The following TAFA1 variants were observed in gnomAD, a reference collection of about 807,000 sequenced individuals.
TAFA1 encodes chemokine-like protein TAFA-1.
In TAFA1, 4 loss-of-function variants were observed where a neutral mutation model predicts 18.5. The ratio of observed to expected loss-of-function variants is 0.22; its 90% CI spans 0.11 to 0.49. TAFA1 has a LOEUF of 0.49. Among genes scored for constraint, TAFA1 ranks in the 20% least tolerant of loss-of-function variants. The pLI is 0.98. For synonymous variants in TAFA1, 56 were observed against 55.2 expected (o/e 1.01, Z -0.06); for missense variants, 147 against 169.0 (o/e 0.87, Z 0.72).
chr3:68,275,624 G>C (rs2067781226), intron 2 of TAFA1, among the ~76,000 whole-genome samples: 1 of 151,976 alleles, frequency 6.6e-6, no homozygotes. Context: ...CAAGTTTAGA[G>C]GAGATAATGA....
chr3:68,542,049 C>A (rs533015995), intron 4 of TAFA1, among the ~76,000 whole-genome samples: 10 of 152,182 alleles, frequency 6.6e-5, no homozygotes, highest in African/African-American at 2.2e-4. Context: ...AACAATGGAT[C>A]TGAGTGATAT....
intron 2 of TAFA1, among the ~76,000 whole-genome samples, chr3:68,119,053 T>G (rs1322437127): frequency 1.4e-5 from 2 of 147,052 alleles, no homozygotes; most frequent in African/African-American, 5.1e-5. Context: ...TTTTTTTGGG[T>G]TTTTTTTTTG....
At chr3:68,369,445 C>A (rs2069636608) in intron 2 of TAFA1, among the ~76,000 whole-genome samples, 1 of 152,042 alleles carries the variant, frequency 6.6e-6, no homozygotes, top group East Asian at 1.9e-4. Context: ...AGAAATCAGG[C>A]CTACAATAAG....
At chr3:68,209,378 C>A (rs1424022383) in intron 2 of TAFA1, among the ~76,000 whole-genome samples, 3 of 151,960 alleles carry the variant, frequency 2.0e-5, no homozygotes, top group Non-Finnish European at 4.4e-5. Context: ...ACCTTCCATG[C>A]AGAATATTAC....
intron 3 of TAFA1, among the ~76,000 whole-genome samples, chr3:68,538,496 A>G (rs1170427610): frequency 6.6e-6 from 1 of 152,204 alleles, no homozygotes; most frequent in African/African-American, 2.4e-5. Context: ...GGTTTCTCTT[A>G]CTGTCATAAT....
Position 68,386,149 on chromosome 3 carries a change from C to T in TAFA1, c.119-31131C>T, listed in dbSNP as rs533696933. ...CATTGTGCCAAATTTATTCTCCACA[C>T]CATGAATAATATTTTTTCAGTAACA... is the stretch of plus-strand genomic sequence containing the variant. On this transcript the variant is annotated intron_variant, in intron 2 of 4. Transcript: ENST00000478136. 2.0e-5 allele frequency among the ~76,000 whole-genome samples: 3 copies of T among 152,172 alleles called. No homozygotes were observed. In the East Asian group the frequency reaches 5.8e-4, roughly 29 times the overall value.
rs1575824847 is a variant in TAFA1 at position 68,387,662 on chromosome 3, T to G, written c.119-29618T>G. ...CAGATTTTCTGTTTCCTTTAGTGAG[T>G]CGTTTTTCTGCTTTCACTCAGGACA... On this transcript the variant is annotated intron_variant, in intron 2 of 4. Transcript: ENST00000478136. 3.9e-5 allele frequency among the ~76,000 whole-genome samples: 6 copies of G among 152,182 alleles called. No individual in the cohort carries two copies. In the South Asian group the frequency reaches 1.2e-3, roughly 32 times the overall value.
chr3:68,241,141 A>G (rs999998802), intron 2 of TAFA1, among the ~76,000 whole-genome samples: 40 of 152,194 alleles, frequency 2.6e-4, no homozygotes, highest in African/African-American at 8.4e-4. Flanking sequence ...ATCTGCGGTT[A>G]TAAGAAAAAA....
At chr3:68,301,245 C>T (rs1350437278) in intron 2 of TAFA1, among the ~76,000 whole-genome samples, 1 of 152,040 alleles carries the variant, frequency 6.6e-6, no homozygotes, top group African/African-American at 2.4e-5. Context: ...GCAAAATTAC[C>T]ATGTATTATA....
At chr3:68,535,981 C>G (rs368000120) in intron 3 of TAFA1, among the ~76,000 whole-genome samples, 2 of 152,106 alleles carry the variant, frequency 1.3e-5, no homozygotes, top group East Asian at 3.9e-4. Context: ...CTATTTGTGG[C>G]AATTGCAAGC....
intron 2 of TAFA1, among the ~76,000 whole-genome samples, chr3:68,413,901 A>G (rs1205464418): frequency 1.3e-5 from 2 of 152,058 alleles, no homozygotes; most frequent in Non-Finnish European, 2.9e-5. Context: ...ATCTGTTGGG[A>G]GCATGTCTCA....
intron 2 of TAFA1, among the ~76,000 whole-genome samples, chr3:68,373,231 A>G (rs191824623): frequency 2.6e-4 from 40 of 152,344 alleles, no homozygotes; most frequent in Admixed American, 2.3e-3. Flanking sequence ...GGTACCTACT[A>G]TATAAGGAAC....
chr3:68,298,810 C>G (rs1219431833), intron 2 of TAFA1, among the ~76,000 whole-genome samples: 2 of 152,174 alleles, frequency 1.3e-5, no homozygotes, highest in East Asian at 1.9e-4. Context: ...AACTGTGAAT[C>G]AATTAAAGCT....
At chr3:68,020,926 C>A (rs953647628) in intron 2 of TAFA1, among the ~76,000 whole-genome samples, 2 of 151,918 alleles carry the variant, frequency 1.3e-5, no homozygotes, top group African/African-American at 4.8e-5. Context: ...TGGCTCACAC[C>A]TGTAATCCCA....
chr3:68,163,951 A>C (rs1263934056), intron 2 of TAFA1, among the ~76,000 whole-genome samples: 2 of 152,172 alleles, frequency 1.3e-5, no homozygotes, highest in Non-Finnish European at 2.9e-5. Flanking sequence ...AGGTCTATAA[A>C]TTGTGTAATC....
intron 2 of TAFA1, among the ~76,000 whole-genome samples, chr3:68,076,795 T>C (rs1194655696): frequency 4.0e-4 from 61 of 151,288 alleles, no homozygotes; most frequent in African/African-American, 1.4e-3. Context: ...TATAGCAGCA[T>C]GATTTATAGT....
chr3:68,532,880 A>AAATAATAATAAT (rs3037452), intron 3 of TAFA1, among the ~76,000 whole-genome samples: 19 of 146,444 alleles, frequency 1.3e-4, no homozygotes, highest in African/African-American at 3.7e-4. Flanking sequence ...TTGTAAAGCA[A>AAATAATAATAAT]AATAATAATA....
intron 2 of TAFA1, among the ~76,000 whole-genome samples, chr3:68,077,862 T>C (rs967854962): frequency 6.6e-6 from 1 of 152,042 alleles, no homozygotes; most frequent in Non-Finnish European, 1.5e-5. Flanking sequence ...CATTGGTAGC[T>C]TGATGGGGAT....
intron 3 of TAFA1, among the ~76,000 whole-genome samples, chr3:68,516,672 C>T (rs953425994): frequency 1.3e-5 from 2 of 152,144 alleles, no homozygotes; most frequent in Admixed American, 6.5e-5. Flanking sequence ...GGGAATGTTT[C>T]GTTGTGTTCA....
Sources: gnomAD v4.1 joint callset for allele counts (sites outside exome capture counted in the v4.1 genomes callset) on GRCh38, gnomAD v4.1.1 for gene constraint, MANE v1.5 for transcripts, NCBI Gene and HGNC (gene_info 2026-07-23, HGNC 2026-07-21) for gene names.